Variants in ADGRB3 observed in about 807,000 individuals in gnomAD.
ADGRB3 encodes brain-specific angiogenesis inhibitor 3.
ADGRB3 carries 37 observed loss-of-function variants against 193.4 expected under a neutral mutation model. The ratio of observed to expected loss-of-function variants is 0.19; its 90% CI spans 0.15 to 0.25. The LOEUF is 0.25. Among genes scored for constraint, ADGRB3 ranks in the 10% least tolerant of loss-of-function variants. The pLI is 1.00. For synonymous variants in ADGRB3, 690 were observed against 644.2 expected (o/e 1.07, Z -1.08); for missense variants, 1,637 against 1,852.9 (o/e 0.88, Z 2.14).
At chr6:69,060,293 G>T (rs1771711039) in intron 15 of ADGRB3, among the ~76,000 whole-genome samples, 1 of 142,936 alleles carries the variant, frequency 7.0e-6, no homozygotes. Context: ...CCATAGGGTT[G>T]ATTCTGTCCT....
At chr6:69,234,813 A>G (rs1766224942) in intron 18 of ADGRB3, among the ~76,000 whole-genome samples, 1 of 152,086 alleles carries the variant, frequency 6.6e-6, no homozygotes, top group South Asian at 2.1e-4. Context: ...TAAAACTCTA[A>G]TGACTTTATT....
chr6:68,753,192 A>G (rs1008133582), intron 3 of ADGRB3, among the ~76,000 whole-genome samples: 2 of 152,184 alleles, frequency 1.3e-5, no homozygotes, highest in African/African-American at 2.4e-5. Flanking sequence ...ATACACAAGA[A>G]TATCAATGAA....
At chr6:68,661,323 G>GTATA (rs1269350697) in intron 3 of ADGRB3, among the ~76,000 whole-genome samples, 6 of 111,268 alleles carry the variant, frequency 5.4e-5, no homozygotes, top group South Asian at 3.0e-4. Context: ...GTGTGTGTGT[G>GTATA]TGTATATATA....
At chr6:68,920,412 G>C (rs1160896457) in intron 3 of ADGRB3, among the ~76,000 whole-genome samples, 1 of 150,604 alleles carries the variant, frequency 6.6e-6, no homozygotes, top group African/African-American at 2.4e-5. Context: ...CAGCTACTCC[G>C]GAGGCTGAGG....
At chr6:68,762,497 T>G (rs77457792) in intron 3 of ADGRB3, among the ~76,000 whole-genome samples, 5,870 of 150,744 alleles carry the variant, frequency 0.039, 358 homozygotes, top group African/African-American at 0.13. Context: ...TATATATATA[T>G]AGAGAGAGAG....
intron 8 of ADGRB3, among the ~76,000 whole-genome samples, chr6:68,972,473 C>A (rs910899722): frequency 1.3e-5 from 2 of 152,104 alleles, no homozygotes; most frequent in South Asian, 2.1e-4. Flanking sequence ...CCAACCTCCC[C>A]CTCCTGCACT....
intron 20 of ADGRB3, among the ~76,000 whole-genome samples, chr6:69,315,156 CATTAGAAAATTAAT>C (rs1411610644): frequency 6.6e-6 from 1 of 151,394 alleles, no homozygotes; most frequent in Non-Finnish European, 1.5e-5. Flanking sequence ...TATGGATAGT[CATTAGAAAATTAAT>C]ATTAGAAAAT....
intron 20 of ADGRB3, among the ~76,000 whole-genome samples, chr6:69,247,178 G>A (rs372069851): frequency 4.3e-4 from 66 of 152,150 alleles, no homozygotes; most frequent in African/African-American, 6.3e-4. Flanking sequence ...ACCTGATTGC[G>A]TAATTCCCCT....
intron 13 of ADGRB3, among the ~76,000 whole-genome samples, chr6:69,035,351 G>T (rs1467654928): frequency 9.5e-6 from 1 of 105,774 alleles, no homozygotes; most frequent in South Asian, 4.2e-4. Context: ...AGGACCTATG[G>T]GTTTTTTGCT....
intron 20 of ADGRB3, among the ~76,000 whole-genome samples, chr6:69,309,416 A>G (rs1337243980): frequency 3.3e-5 from 5 of 151,736 alleles, no homozygotes; most frequent in Non-Finnish European, 5.9e-5. Flanking sequence ...GAACCCTGGA[A>G]GAATGCATCT....
chr6:68,967,827 T>A (rs1582356639), intron 8 of ADGRB3, among the ~76,000 whole-genome samples: 1 of 151,308 alleles, frequency 6.6e-6, no homozygotes, highest in Non-Finnish European at 1.5e-5. Context: ...GTCAGTGGGG[T>A]CTGAGAATGT....
In ADGRB3 at chr6:68,977,681, A is replaced by C. The variant is rs568050455; in HGVS notation, c.1734+2341A>C. The stretch of plus-strand genomic sequence containing the variant: ...TGACTTGGGTACAATTATCAGGTGC[A>C]TGATCTTGTATAGTAAAAAGCTGCC... On this transcript the variant is annotated intron_variant, in intron 10 of 31. Coordinates refer to ENST00000370598, the MANE Select transcript of ADGRB3 (RefSeq NM_001704.3). 4.6e-5 allele frequency among the ~76,000 whole-genome samples: 7 copies of C among 152,312 alleles called. No individual in the cohort carries two copies. The East Asian group carries it at 9.7e-4, about 21-fold the overall frequency.
At chr6:68,756,877 T>G (rs12211047) in intron 3 of ADGRB3, among the ~76,000 whole-genome samples, 24,006 of 152,172 alleles carry the variant, frequency 0.16, 2,464 homozygotes, top group Non-Finnish European at 0.23. Context: ...ACATAACATG[T>G]GCCTTCCATT....
At chr6:68,909,433 A>G (rs1402710360) in intron 3 of ADGRB3, among the ~76,000 whole-genome samples, 2 of 152,156 alleles carry the variant, frequency 1.3e-5, no homozygotes, top group Non-Finnish European at 1.5e-5. Context: ...CTATTACTTT[A>G]TCTTCTACTT....
chr6:69,079,515 C>T (rs1286591293), intron 17 of ADGRB3, among the ~76,000 whole-genome samples: 1 of 152,024 alleles, frequency 6.6e-6, no homozygotes, highest in Non-Finnish European at 1.5e-5. Context: ...AAAACTGGCA[C>T]AAGACAAGGA....
chr6:68,757,232 C>T (rs1435750197), intron 3 of ADGRB3, among the ~76,000 whole-genome samples: 1 of 152,004 alleles, frequency 6.6e-6, no homozygotes, highest in Non-Finnish European at 1.5e-5. Flanking sequence ...CCCTGTTTTC[C>T]ACCTGTCCAG....
chr6:69,057,323 C>G (rs1243540205), intron 15 of ADGRB3, among the ~76,000 whole-genome samples: 3 of 152,054 alleles, frequency 2.0e-5, no homozygotes, highest in Non-Finnish European at 4.4e-5. Context: ...TTAGGGTTTA[C>G]TACATATAAA....
Position 69,171,668 on chromosome 6 carries a change from A to G in ADGRB3, c.2481-61622A>G, listed in dbSNP as rs144435673. On this transcript the variant is annotated intron_variant, in intron 17 of 31. Coordinates refer to ENST00000370598, the MANE Select transcript of ADGRB3 (RefSeq NM_001704.3). ...TTAGGAAACAACCTGAGGTGACTCA[A>G]CCTCATTCCCTGTCTTCCCCTGGAT... Among the ~76,000 whole-genome samples the G allele has an allele frequency of 1.7e-3, 252 of 152,280 alleles. 4 individuals are homozygous for G. Among genetic ancestry groups the G allele is most frequent in the African/African-American group, 5.3e-3 (221 of 41,564 alleles).
intron 3 of ADGRB3, among the ~76,000 whole-genome samples, chr6:68,908,232 C>A (rs9294812): frequency 2.6e-5 from 4 of 151,806 alleles, no homozygotes; most frequent in East Asian, 1.9e-4. Context: ...GATCGATGAC[C>A]AATTCTAAGG....
Sources: allele counts gnomAD v4.1 joint callset (sites outside exome capture counted in the v4.1 genomes callset), GRCh38; gene constraint gnomAD v4.1.1; transcripts MANE v1.5; gene names NCBI Gene and HGNC (gene_info 2026-07-23, HGNC 2026-07-21).